The following EML6 variants were observed in gnomAD, a reference collection of about 807,000 sequenced individuals.
The protein encoded by EML6 is echinoderm microtubule-associated protein-like 6.
EML6 carries 154 observed loss-of-function variants against 240.1 expected under a neutral mutation model. The observed-to-expected ratio is 0.64, with a 90% CI of 0.56 to 0.73. The LOEUF (loss-of-function observed/expected upper bound fraction) is 0.73, where lower values mean the gene tolerates loss of function less well. EML6 is among the 30% of genes least tolerant of loss of function. The pLI is 0.00. For synonymous variants in EML6, 1,148 were observed against 899.0 expected, an observed-to-expected ratio of 1.28 and a Z score of -4.95; for missense variants, 2,964 against 2,474.6, an observed-to-expected ratio of 1.20 and a Z score of -4.20.
intron 5 of EML6, among the ~76,000 whole-genome samples, chr2:54,827,048 C>T (rs77895441): frequency 6.6e-6 from 1 of 152,030 alleles, no homozygotes; most frequent in Non-Finnish European, 1.5e-5. Context: ...TGGTGCACTC[C>T]TATAATCTCA....
chr2:54,886,698 G>A (rs1672164658), intron 17 of EML6, among the ~76,000 whole-genome samples: 1 of 152,156 alleles, frequency 6.6e-6, no homozygotes, highest in South Asian at 2.1e-4. Context: ...ATGATGTTGA[G>A]CATGTTTTCC....
intron 6 of EML6, among the ~76,000 whole-genome samples, chr2:54,828,735 G>A (rs1198657064): frequency 1.3e-5 from 2 of 152,156 alleles, no homozygotes; most frequent in Admixed American, 1.3e-4. Flanking sequence ...TTATATTCTT[G>A]CAGCACTTTT....
chr2:54,773,515 G>A (rs897973863), intron 2 of EML6, among the ~76,000 whole-genome samples: 2 of 152,210 alleles, frequency 1.3e-5, no homozygotes, highest in African/African-American at 2.4e-5. Context: ...ATTCAAGAAA[G>A]GAAGAGACAT....
intron 2 of EML6, among the ~76,000 whole-genome samples, chr2:54,759,517 C>T (rs1312569272): frequency 3.9e-5 from 6 of 151,916 alleles, no homozygotes. Flanking sequence ...CGCATAGTAA[C>T]TTTATTCATT....
chr2:54,779,833 G>A (rs977549952), intron 2 of EML6, among the ~76,000 whole-genome samples: 32 of 142,446 alleles, frequency 2.2e-4, no homozygotes, highest in Admixed American at 1.4e-3. Context: ...GTGCACTGCA[G>A]CCTGGGTGAC....
chr2:54,905,209 C>G (rs1673258627), intron 24 of EML6, among the ~76,000 whole-genome samples: 2 of 151,844 alleles, frequency 1.3e-5, no homozygotes, highest in African/African-American at 4.8e-5. Flanking sequence ...CTTCTCAGAC[C>G]CTTCTTTGAT....
At chr2:54,895,756 G>C (rs961644146) in intron 21 of EML6, among the ~76,000 whole-genome samples, 3 of 152,176 alleles carry the variant, frequency 2.0e-5, no homozygotes, top group African/African-American at 4.8e-5. Flanking sequence ...TAAGTTGCTT[G>C]TAAGTGTAGG....
intron 2 of EML6, among the ~76,000 whole-genome samples, chr2:54,784,558 G>A (rs1389689995): frequency 6.6e-6 from 1 of 152,118 alleles, no homozygotes; most frequent in Non-Finnish European, 1.5e-5. Context: ...CCCCCTTGCG[G>A]TGAAAATCCA....
chr2:54,968,623 A>T (rs1676853222), intron 40 of EML6, 45 bp from the exon 41 acceptor site: 2 of 1,138,314 alleles, frequency 1.8e-6, no homozygotes, highest in South Asian at 1.3e-5. Context: ...GGTTGCTGAG[A>T]GGAGCCAGGG....
intron 2 of EML6, among the ~76,000 whole-genome samples, chr2:54,789,467 T>C (rs958178345): frequency 7.9e-6 from 1 of 126,102 alleles, no homozygotes; most frequent in African/African-American, 3.0e-5. Context: ...TGAGCCGAGA[T>C]TACGCCACTG....
At chr2:54,768,103 G>A (rs1668261685) in intron 2 of EML6, among the ~76,000 whole-genome samples, 1 of 152,074 alleles carries the variant, frequency 6.6e-6, no homozygotes, top group African/African-American at 2.4e-5. Flanking sequence ...ATATGCCAAG[G>A]CTACCTCCTC....
intron 2 of EML6, among the ~76,000 whole-genome samples, chr2:54,789,087 C>T (rs565195229): frequency 6.6e-6 from 1 of 152,304 alleles, no homozygotes; most frequent in South Asian, 2.1e-4. Flanking sequence ...TGTTCTGTCT[C>T]TGCTTAATTC....
At chr2:54,744,174 G>A (rs975993686) in intron 2 of EML6, among the ~76,000 whole-genome samples, 7 of 152,132 alleles carry the variant, frequency 4.6e-5, no homozygotes, top group African/African-American at 1.4e-4. Flanking sequence ...AGCACACTTA[G>A]AAATGCAGCT....
chr2:54,733,890 A>C (rs1683276335), intron 2 of EML6, among the ~76,000 whole-genome samples: 1 of 152,308 alleles, frequency 6.6e-6, no homozygotes, highest in South Asian at 2.1e-4. Flanking sequence ...GAATAGACTG[A>C]GAGAGAATAA....
At chr2:54,924,843 G>A (rs534412424) in intron 26 of EML6, among the ~76,000 whole-genome samples, 42 of 152,180 alleles carry the variant, frequency 2.8e-4, no homozygotes, top group African/African-American at 8.9e-4. Context: ...GATTACAGGC[G>A]TGAGCCACTG....
chr2:54,727,324 G>A (rs1461164831), intron 2 of EML6, among the ~76,000 whole-genome samples: 1 of 151,268 alleles, frequency 6.6e-6, no homozygotes, highest in Non-Finnish European at 1.5e-5. Context: ...GAGCAGAGCA[G>A]AGCAGAGTTC....
chr2:54,886,601 G>A lies in EML6; in HGVS notation c.2439-4453G>A, dbSNP rs187933875. On this transcript the variant is annotated intron_variant, in intron 17 of 41. Transcript: ENST00000356458. The stretch of plus-strand genomic sequence containing the variant: ...CAGGCCTCCAACTTCTCCACATTCT[G>A]GCCAACACTTGTTATTGTCTGTCAT... 7.5e-3 allele frequency among the ~76,000 whole-genome samples: 1,138 copies of A among 152,202 alleles called. 41 individuals carry two copies. The highest frequency in any genetic ancestry group is 0.068 in the Admixed American group (1,035 of 15,296).
intron 28 of EML6, among the ~76,000 whole-genome samples, chr2:54,930,566 G>A (rs1167201619): frequency 1.3e-5 from 2 of 151,978 alleles, no homozygotes; most frequent in Non-Finnish European, 2.9e-5. Context: ...TATGAAATAG[G>A]GGTAGGCAGT....
intron 7 of EML6, among the ~76,000 whole-genome samples, chr2:54,843,540 T>A (rs1669575011): frequency 6.6e-6 from 1 of 151,954 alleles, no homozygotes; most frequent in Non-Finnish European, 1.5e-5. Context: ...CATCCAGCGC[T>A]TGTAAGAAAA....
Sources: gnomAD v4.1 joint callset for allele counts (sites outside exome capture counted in the v4.1 genomes callset) on GRCh38, gnomAD v4.1.1 for gene constraint, MANE v1.5 for transcripts, NCBI Gene and HGNC (gene_info 2026-07-23, HGNC 2026-07-21) for gene names.